The following ALDH4A1 variants were observed in gnomAD, a reference collection of about 807,000 sequenced individuals.
ALDH4A1 encodes aldehyde dehydrogenase 4 family member A1, also known as delta-1-pyrroline-5-carboxylate dehydrogenase, mitochondrial.
A neutral mutation model predicts 70.5 loss-of-function variants in ALDH4A1; 46 were observed. That is an observed-to-expected ratio of 0.65 (90% CI 0.51 to 0.83). The LOEUF (loss-of-function observed/expected upper bound fraction) is 0.83, where lower values mean the gene tolerates loss of function less well. Ranked by LOEUF, ALDH4A1 falls within the 40% of genes least tolerant of loss-of-function variation. The probability of loss-of-function intolerance (pLI) is 0.00; values close to 1 mark genes in which losing one functional copy is unlikely to be tolerated. For missense variants in ALDH4A1, 749 were observed against 766.5 expected, an observed-to-expected ratio of 0.98 and a Z score of 0.27; for synonymous variants, 323 against 324.3, an observed-to-expected ratio of 1.00 and a Z score of 0.04.
intron 1 of ALDH4A1, 119 bp from the exon 2 acceptor site, chr1:18,890,224 T>C: frequency 1.2e-6 from 1 of 832,710 alleles, no homozygotes; most frequent in South Asian, 1.5e-5. Context: ...TGAAATCCAA[T>C]GCAACTAGAA....
chr1:18,883,112 C>T lies in ALDH4A1; in HGVS notation c.678+12G>A. On this transcript the variant is annotated intron_variant, in intron 7 of 14. Coordinates refer to ENST00000375341, the MANE Select transcript of ALDH4A1 (RefSeq NM_003748.4). The stretch of plus-strand genomic sequence containing the variant: ...ACCAGCTGCCGCTGTCCCACCTGTG[C>T]CCACATCTCACCATCAGGGCCGGTG... The T allele has an allele frequency of 6.2e-7, 1 of 1,613,140 alleles. No individual in the cohort carries two copies. Among genetic ancestry groups the T allele is most frequent in the East Asian group, 2.2e-5 (1 of 44,876 alleles).
rs575166721 is a variant in ALDH4A1 at position 18,876,126 on chromosome 1, G to A, written c.1338+189C>T. Among the ~76,000 whole-genome samples the A allele has an allele frequency of 5.3e-5, 8 of 152,304 alleles. No homozygotes were observed. The East Asian group carries it at 1.2e-3, about 22-fold the overall frequency. ...CAGCCAGGGTCAAGGACACAGCCCC[G>A]GATTTGGAGTTAGGCAGCCTGAGCT... On this transcript the variant is annotated intron_variant, in intron 12 of 14. Transcript: ENST00000375341.
chr1:18,883,633 C>G (rs1225544596), intron 5 of ALDH4A1, among the ~76,000 whole-genome samples: 1 of 152,216 alleles, frequency 6.6e-6, no homozygotes, highest in African/African-American at 2.4e-5. Flanking sequence ...TGTAGCCGGC[C>G]CTCTGGGCTG....
At chr1:18,879,629 T>C (rs1569739277) in intron 8 of ALDH4A1, among the ~76,000 whole-genome samples, 1 of 152,312 alleles carries the variant, frequency 6.6e-6, no homozygotes, top group East Asian at 1.9e-4. Context: ...GGTTCATTAC[T>C]TAACCTCTCT....
intron 7 of ALDH4A1, chr1:18,882,468 G>A: frequency 2.1e-6 from 1 of 481,336 alleles, no homozygotes. Flanking sequence ...CACAGGCCTG[G>A]GACTTCATCC....
chr1:18,883,737 C>G (rs545681497), intron 5 of ALDH4A1, among the ~76,000 whole-genome samples: 34 of 152,318 alleles, frequency 2.2e-4, no homozygotes, highest in African/African-American at 7.7e-4. Context: ...AATGGTGGTG[C>G]ATGGCAAAGG....
chr1:18,878,689 A>G (rs947835321), intron 9 of ALDH4A1, among the ~76,000 whole-genome samples: 6 of 152,188 alleles, frequency 3.9e-5, no homozygotes, highest in African/African-American at 1.4e-4. Context: ...GTCCTTGAAG[A>G]TGTGCCATGC....
intron 1 of ALDH4A1, among the ~76,000 whole-genome samples, chr1:18,891,453 G>A (rs1328607676): frequency 6.6e-6 from 1 of 152,084 alleles, no homozygotes; most frequent in East Asian, 1.9e-4. Context: ...CAGACAACCC[G>A]AACAGCTGGA....
rs778705348 is a variant in ALDH4A1 at position 18,879,349 on chromosome 1, C to T, written c.891G>A (p.Gln297=). The T allele has an allele frequency of 6.2e-7, 1 of 1,611,526 alleles. No individual in the cohort carries two copies. Among genetic ancestry groups the T allele is most frequent in the Non-Finnish European group, 8.5e-7 (1 of 1,179,018 alleles). Residue 297 remains glutamine, a synonymous_variant, in exon 9 of 15, where the codon CAG becomes CAA. Coordinates refer to ENST00000375341, the MANE Select transcript of ALDH4A1 (RefSeq NM_003748.4). ...SVPTFKHLWK[Q]VAQNLDRFHT... is the part of the protein sequence containing the mutation. ...GGAACCGGTCCAGGTTCTGGGCCAC[C>T]TGCTTCCACAGGTGTTTGAAGGTGC...
At chr1:18,885,441 G>GCCCCCCCCCCCCCCCCCCCCCCC in intron 5 of ALDH4A1, 32 bp downstream of exon 5, 3 of 423,746 alleles carry the variant, frequency 7.1e-6, no homozygotes, top group Non-Finnish European at 1.2e-5. Flanking sequence ...ACCCCACCCC[G>GCCCCCCCCCCCCCCCCCCCCCCC]CCCCACCCAC....
chr1:18,876,661 C>CTGTGTGTG (rs10524811), intron 11 of ALDH4A1, among the ~76,000 whole-genome samples, 194 bp from the exon 12 acceptor site: 1,627 of 146,818 alleles, frequency 0.011, 31 homozygotes, highest in African/African-American at 0.034. Context: ...GACATGAACA[C>CTGTGTGTG]TGTGTGTGTG....
At chr1:18,879,273 G>C (rs775544908) in intron 9 of ALDH4A1, 27 bp downstream of exon 9, 1 of 1,589,608 alleles carries the variant, frequency 6.3e-7, no homozygotes, top group Non-Finnish European at 8.6e-7. Context: ...GGGGCCACAC[G>C]GGAGGAGGAG....
chr1:18,897,577 T>A (rs1267296667), intron 1 of ALDH4A1, among the ~76,000 whole-genome samples: 1 of 152,202 alleles, frequency 6.6e-6, no homozygotes, highest in Non-Finnish European at 1.5e-5. Context: ...AAACACTCTG[T>A]TCTGAAGCAT....
intron 4 of ALDH4A1, among the ~76,000 whole-genome samples, chr1:18,886,009 CT>C (rs1394851157): frequency 6.6e-6 from 1 of 152,222 alleles, no homozygotes; most frequent in Admixed American, 6.5e-5. Flanking sequence ...CACGGCTCTG[CT>C]GCTGGCCTCC....
At chr1:18,878,214 C>T (rs377206747) in intron 9 of ALDH4A1, among the ~76,000 whole-genome samples, 18 of 152,318 alleles carry the variant, frequency 1.2e-4, no homozygotes, top group Non-Finnish European at 1.3e-4. Flanking sequence ...GGACGAAGTA[C>T]GCTGTGCTTT....
rs555141051 is a variant in ALDH4A1 at position 18,899,859 on chromosome 1, T to C, written c.62+2603A>G. Among the ~76,000 whole-genome samples, 8 of 152,336 alleles carry C rather than the reference T, an allele frequency of 5.3e-5. No homozygotes were observed. In the South Asian group the frequency reaches 1.5e-3, roughly 28 times the overall value. ...AGGAAGGGCTCACATGATTAGTTCA[T>C]TCATTCCCTAAATGTTTGCCAAGGG... On this transcript the variant is annotated intron_variant, in intron 1 of 14. Coordinates refer to ENST00000375341, the MANE Select transcript of ALDH4A1 (RefSeq NM_003748.4).
At position 18,875,403 on chromosome 1, in the gene ALDH4A1, C is replaced by T. The variant is rs762708368; in HGVS notation, c.1439G>A (p.Gly480Glu). Residue 480 changes from glycine (G) to glutamate (E), a missense_variant, in exon 13 of 15, where the codon GGG becomes GAG. By Grantham distance (98) the Gly-to-Glu change is moderately conservative. Transcript: ENST00000375341. ...TCACTTATCCTGGGAGAACACTGCC[C>T]CCGTGAGGCCATAGCTGGTGGTGCT... ...VDSTTSYGLT[G>E]AVFSQDKDVV... 11 of 1,614,038 alleles carry T rather than the reference C, an allele frequency of 6.8e-6. No homozygotes were observed. The highest frequency in any genetic ancestry group is 8.5e-6 in the Non-Finnish European group (10 of 1,180,026).
At chr1:18,900,355 A>G (rs1479220203) in intron 1 of ALDH4A1, among the ~76,000 whole-genome samples, 1 of 152,228 alleles carries the variant, frequency 6.6e-6, no homozygotes, top group Non-Finnish European at 1.5e-5. Flanking sequence ...CAGACATGGC[A>G]TGTCACGGGT....
chr1:18,901,713 A>C (rs950286326), intron 1 of ALDH4A1, among the ~76,000 whole-genome samples: 2 of 152,074 alleles, frequency 1.3e-5, no homozygotes, highest in Non-Finnish European at 2.9e-5. Flanking sequence ...GTTTAAATAG[A>C]GGTGATAATG....
Sources: allele counts gnomAD v4.1 joint callset (sites outside exome capture counted in the v4.1 genomes callset), GRCh38; gene constraint gnomAD v4.1.1; transcripts MANE v1.5; gene names NCBI Gene and HGNC (gene_info 2026-07-23, HGNC 2026-07-21).